Variants in PPP2R2A observed in about 807,000 individuals in gnomAD.
The protein encoded by PPP2R2A is serine/threonine-protein phosphatase 2A 55 kDa regulatory subunit B alpha isoform.
PPP2R2A carries 9 observed loss-of-function variants against 53.2 expected under a neutral mutation model. The observed-to-expected ratio is 0.17, with a 90% CI of 0.10 to 0.30. The LOEUF is 0.30. Ranked by LOEUF, PPP2R2A falls within the 10% of genes least tolerant of loss-of-function variation. The pLI is 1.00. For synonymous variants in PPP2R2A, 169 were observed against 174.2 expected (o/e 0.97, Z 0.23); for missense variants, 235 against 534.6 (o/e 0.44, Z 5.53).
chr8:26,359,115 A>G (rs1477488989), intron 4 of PPP2R2A: 4 of 299,100 alleles, frequency 1.3e-5, no homozygotes, highest in Non-Finnish European at 2.1e-5. Context: ...CTAAAAACCC[A>G]TGGTCCCAGT....
At chr8:26,292,290 C>T (rs1302543067) in intron 1 of PPP2R2A, 1 of 992,334 alleles carries the variant, frequency 1.0e-6, no homozygotes, top group East Asian at 1.1e-4. Flanking sequence ...AGGAAGAGCG[C>T]CTTATAAGTT....
In PPP2R2A at chr8:26,293,666, G is replaced by A; in HGVS notation, c.8G>A (p.Gly3Glu). 1 of 1,609,188 alleles carries A rather than the reference G, an allele frequency of 6.2e-7. No individual in the cohort carries two copies. Among genetic ancestry groups the A allele is most frequent in the Non-Finnish European group, 8.5e-7 (1 of 1,178,374 alleles). Residue 3 changes from glycine (G) to glutamate (E), a missense_variant and splice_region_variant, in exon 2 of 10, where the codon GGA becomes GAA. This residue lies in a region of PPP2R2A where 51 missense variants were observed against 80.6 expected (regional missense o/e 0.63). Coordinates refer to ENST00000380737, the MANE Select transcript of PPP2R2A (RefSeq NM_002717.4). Reference protein sequence around the residue: MAGAGGGNDIQWC... With the variant: MAEAGGGNDIQWC... ...TAATTGGTATGTTTTCTTTTTCCAG[G>A]AGCTGGAGGAGGGAATGATATTCAG...
At chr8:26,292,919 C>T (rs1463960043) in intron 1 of PPP2R2A, among the ~76,000 whole-genome samples, 4 of 152,224 alleles carry the variant, frequency 2.6e-5, no homozygotes, top group Non-Finnish European at 5.9e-5. Flanking sequence ...AAAAAGTTAA[C>T]ATGTCGGATT....
At chr8:26,308,402 A>C (rs546012911) in intron 2 of PPP2R2A, among the ~76,000 whole-genome samples, 1 of 152,250 alleles carries the variant, frequency 6.6e-6, no homozygotes, top group African/African-American at 2.4e-5. Context: ...ATTGGAGACA[A>C]TTCTTTAACC....
In PPP2R2A at chr8:26,360,856, T is replaced by A; in HGVS notation, c.460-118T>A. 1.0e-6 allele frequency: 1 copy of A among 955,782 alleles called. No homozygotes were observed. Among genetic ancestry groups the A allele is most frequent in the South Asian group, 1.8e-5 (1 of 57,136 alleles). The allele number at this position is 955,782 out of a possible 1,614,324, so 59.2% of individuals were successfully genotyped here. On this transcript the variant is annotated intron_variant, in intron 5 of 9. Transcript: ENST00000380737. This position sits in a 1 kb window ranked among gnomAD's most constrained non-coding sequence, Gnocchi z 4.5. ...CAGTTGCTTTTTAAAACTAAATCTA[T>A]GTAATATTGTTCTATTTTATGTTCT...
At chr8:26,301,616 AC>A (rs1801794301) in intron 2 of PPP2R2A, among the ~76,000 whole-genome samples, 1 of 151,994 alleles carries the variant, frequency 6.6e-6, no homozygotes, top group African/African-American at 2.4e-5. Context: ...GGCTTTGTGA[AC>A]CCTCTGATGA....
At position 26,370,603 on chromosome 8, in the gene PPP2R2A, T is replaced by C. The variant is rs1805622983; in HGVS notation, c.*190T>C. On this transcript the variant is annotated 3_prime_UTR_variant, in exon 10 of 10. Transcript: ENST00000380737. This position sits in a 1 kb window ranked among gnomAD's most constrained non-coding sequence, Gnocchi z 6.1. ...GGATTCATCACTGTGGTGTTCTCCA[T>C]GTCTGCTAGCCATTTAGGTAAGGGT... The C allele has an allele frequency of 3.0e-6, 2 of 675,266 alleles. No individual in the cohort carries two copies. Among genetic ancestry groups the C allele is most frequent in the Middle Eastern group, 4.2e-4 (1 of 2,408 alleles). The allele number at this position is 675,266 out of a possible 1,614,324, so 41.8% of individuals were successfully genotyped here.
At chr8:26,342,316 A>G (rs987672300) in intron 3 of PPP2R2A, among the ~76,000 whole-genome samples, 5 of 152,174 alleles carry the variant, frequency 3.3e-5, no homozygotes, top group African/African-American at 9.7e-5. Flanking sequence ...TATAGCTTCT[A>G]ATAGCTTTTG....
At chr8:26,307,733 C>T (rs1390548836) in intron 2 of PPP2R2A, among the ~76,000 whole-genome samples, 1 of 152,166 alleles carries the variant, frequency 6.6e-6, no homozygotes, top group Non-Finnish European at 1.5e-5. Flanking sequence ...ACTGAGCTGT[C>T]TATAAGTGCT....
chr8:26,358,335 G>A (rs1804899094), intron 4 of PPP2R2A, among the ~76,000 whole-genome samples: 1 of 152,238 alleles, frequency 6.6e-6, no homozygotes, highest in East Asian at 1.9e-4. Context: ...TACTTTGCAA[G>A]TATTTAGAAC....
intron 1 of PPP2R2A, chr8:26,293,092 A>G (rs1801379518): frequency 1.6e-6 from 1 of 627,682 alleles, no homozygotes; most frequent in Non-Finnish European, 2.5e-6. Context: ...TTCCTTTGAC[A>G]GTCTCTTTAG....
chr8:26,347,533 T>C (rs1327749483), intron 3 of PPP2R2A, among the ~76,000 whole-genome samples: 1 of 152,192 alleles, frequency 6.6e-6, no homozygotes, highest in Non-Finnish European at 1.5e-5. Context: ...ATATTCTAGC[T>C]AGTTTGATAA....
chr8:26,347,216 A>G (rs1804263556), intron 3 of PPP2R2A, among the ~76,000 whole-genome samples: 1 of 151,384 alleles, frequency 6.6e-6, no homozygotes, highest in Non-Finnish European at 1.5e-5. Context: ...GTTCATCTGA[A>G]TCTTCTCTCA....
At position 26,329,279 on chromosome 8, in the gene PPP2R2A, T is replaced by C. The variant is rs150329251; in HGVS notation, c.83-9611T>C. Among the ~76,000 whole-genome samples the C allele has an allele frequency of 5.0e-4, 76 of 152,292 alleles. 2 individuals are homozygous for C. The East Asian group carries it at 9.2e-3, about 19-fold the overall frequency. ...ACCTTTTTAGAAGAAATATATACTTTTAATTTGGTATAATTTTTCTGTGTA... is the reference window on the plus strand; with the variant it reads ...ACCTTTTTAGAAGAAATATATACTTCTAATTTGGTATAATTTTTCTGTGTA... On this transcript the variant is annotated intron_variant, in intron 2 of 9. Coordinates refer to ENST00000380737, the MANE Select transcript of PPP2R2A (RefSeq NM_002717.4).
At chr8:26,358,875 T>C (rs954079011) in intron 4 of PPP2R2A, 1 of 455,558 alleles carries the variant, frequency 2.2e-6, no homozygotes, top group Admixed American at 2.3e-5. Context: ...TACTCTTCCC[T>C]ACAGGGAGTA....
chr8:26,304,189 C>T (rs1293568061), intron 2 of PPP2R2A, among the ~76,000 whole-genome samples: 3 of 124,534 alleles, frequency 2.4e-5, no homozygotes, highest in Non-Finnish European at 5.4e-5. Flanking sequence ...TTTTTTCTTA[C>T]CGGTCCTCTT....
chr8:26,331,334 A>G (rs1339178557), intron 2 of PPP2R2A, among the ~76,000 whole-genome samples: 15 of 152,220 alleles, frequency 9.9e-5, no homozygotes, highest in Admixed American at 9.8e-4. Flanking sequence ...TCACAGCAGG[A>G]CAATAAATTC....
intron 4 of PPP2R2A, chr8:26,358,866 A>C: frequency 2.2e-6 from 1 of 453,836 alleles, no homozygotes; most frequent in Non-Finnish European, 4.4e-6. Context: ...GTGGATACAT[A>C]CTCTTCCCTA....
At position 26,338,411 on chromosome 8, in the gene PPP2R2A, C is replaced by T. The variant is rs1803776803; in HGVS notation, c.83-479C>T. Among the ~76,000 whole-genome samples the T allele has an allele frequency of 2.0e-5, 3 of 152,120 alleles. No homozygotes were observed. The highest frequency in any genetic ancestry group is 7.2e-5 in the African/African-American group (3 of 41,420). Reference sequence around the variant, plus strand: ...TCTATTTGCAAACACTTGTTTGAAGCCATGATTTTGAATTTATGACTTAAA... The same window carrying T: ...TCTATTTGCAAACACTTGTTTGAAGTCATGATTTTGAATTTATGACTTAAA... On this transcript the variant is annotated intron_variant, in intron 2 of 9. Transcript: ENST00000380737. The surrounding 1 kb of genome is among the most constrained non-coding windows in gnomAD (Gnocchi z 4.5).
Sources: allele counts gnomAD v4.1 joint callset (sites outside exome capture counted in the v4.1 genomes callset), GRCh38; gene constraint gnomAD v4.1.1; regional missense constraint gnomAD v4.1.1; non-coding constraint Gnocchi (gnomAD v3.1); transcripts MANE v1.5; gene names NCBI Gene and HGNC (gene_info 2026-07-23, HGNC 2026-07-21).